Variants in SLC6A11 observed in about 807,000 individuals in gnomAD.
SLC6A11 encodes the protein solute carrier family 6 member 11.
In SLC6A11, 25 loss-of-function variants were observed where a neutral mutation model predicts 74.8. That is an observed-to-expected ratio of 0.33 (90% CI 0.24 to 0.47). The LOEUF is 0.47. SLC6A11 is among the 20% of genes least tolerant of loss of function. The pLI is 1.00. For missense variants in SLC6A11, 574 were observed against 837.0 expected (o/e 0.69, Z 3.88); for synonymous variants, 330 against 330.2 (o/e 1.00, Z 0.01).
At chr3:10,896,178 C>A (rs1695169060) in intron 6 of SLC6A11, among the ~76,000 whole-genome samples, 1 of 152,228 alleles carries the variant, frequency 6.6e-6, no homozygotes, top group Admixed American at 6.5e-5. Context: ...GTAGAACATC[C>A]ACACCAGGGT....
chr3:10,861,052 G>A (rs1043415918), intron 5 of SLC6A11, among the ~76,000 whole-genome samples: 8 of 152,186 alleles, frequency 5.3e-5, no homozygotes, highest in African/African-American at 1.7e-4. Flanking sequence ...AATAGGATCC[G>A]GGTGAGGCCC....
chr3:10,823,953 A>G (rs1559552001), intron 4 of SLC6A11: 1 of 154,010 alleles, frequency 6.5e-6, no homozygotes, highest in Non-Finnish European at 1.4e-5. Flanking sequence ...GTTGACCAGT[A>G]TAGGGTTGCC....
At chr3:10,835,336 C>T (rs77966015) in intron 4 of SLC6A11, among the ~76,000 whole-genome samples, 4,625 of 152,260 alleles carry the variant, frequency 0.03, 235 homozygotes, top group African/African-American at 0.11. Flanking sequence ...TGGGGGAGGC[C>T]CTTCCCACCA....
intron 4 of SLC6A11, among the ~76,000 whole-genome samples, chr3:10,828,408 T>C (rs986997987): frequency 6.6e-6 from 1 of 152,174 alleles, no homozygotes; most frequent in Non-Finnish European, 1.5e-5. Flanking sequence ...TTTTTAGTGT[T>C]TATTTTTGAG....
Position 10,933,123 on chromosome 3 carries a change from A to C in SLC6A11, c.1372-28A>C, listed in dbSNP as rs767886938. On this transcript the variant is annotated intron_variant, in intron 10 of 13. Coordinates refer to ENST00000254488, the MANE Select transcript of SLC6A11 (RefSeq NM_014229.3). ...TCTCCCGTGTGTCCGTTCACCTCCC[A>C]TCCGTGTGTCTGTTCCCCGACCTGC... The C allele has an allele frequency of 5.8e-6, 9 of 1,545,088 alleles. No individual in the cohort carries two copies. In the East Asian group the frequency reaches 1.8e-4, roughly 31 times the overall value.
At chr3:10,897,156 C>T (rs1695181544) in intron 6 of SLC6A11, among the ~76,000 whole-genome samples, 1 of 152,190 alleles carries the variant, frequency 6.6e-6, no homozygotes, top group Admixed American at 6.5e-5. Context: ...CCCACCAGAT[C>T]CCTCCTATAA....
In SLC6A11 at chr3:10,939,089, T is replaced by G. The variant is rs995475784; in HGVS notation, c.*687T>G. 3 of 152,236 alleles carry G rather than the reference T, an allele frequency of 2.0e-5. No individual in the cohort carries two copies. Among genetic ancestry groups the G allele is most frequent in the Non-Finnish European group, 2.9e-5 (2 of 68,058 alleles). The allele number at this position is 152,236 out of a possible 1,614,324, so 9.4% of individuals were successfully genotyped here. ...TAGGGATTCTCTTTGTGTGCCTTGC[T>G]GGCTTCCAGACCTGCCGTGGACCTT... is the stretch of plus-strand genomic sequence containing the variant. On this transcript the variant is annotated 3_prime_UTR_variant, in exon 14 of 14. Transcript: ENST00000254488.
chr3:10,931,194 T>G (rs1282223672), intron 10 of SLC6A11, among the ~76,000 whole-genome samples: 1 of 152,196 alleles, frequency 6.6e-6, no homozygotes, highest in Non-Finnish European at 1.5e-5. Context: ...GCAGAAGGTG[T>G]TGTCGCTGCT....
chr3:10,853,027 T>G (rs1012375789), intron 5 of SLC6A11, among the ~76,000 whole-genome samples: 1 of 152,198 alleles, frequency 6.6e-6, no homozygotes, highest in Admixed American at 6.5e-5. Context: ...CATCCAGGGC[T>G]GCTTCACCTC....
chr3:10,823,058 G>A (rs1694157998), intron 3 of SLC6A11, among the ~76,000 whole-genome samples: 2 of 152,138 alleles, frequency 1.3e-5, no homozygotes, highest in African/African-American at 4.8e-5. Flanking sequence ...AGTTTGATAG[G>A]GAGTGTTGGT....
rs186786321 is a variant in SLC6A11, at chr3:10,903,893, C to T, written c.892-8197C>T. Among the ~76,000 whole-genome samples the T allele has an allele frequency of 1.8e-4, 27 of 152,342 alleles. 1 individual carries two copies. In the East Asian group the frequency reaches 4.8e-3, roughly 27 times the overall value. On this transcript the variant is annotated intron_variant, in intron 6 of 13. Transcript: ENST00000254488. ...CCAGTCTCCCCAATTGGATAAGTCA[C>T]TCCAAGAGGTAGGAAAAAGAAGTAA... is the stretch of plus-strand genomic sequence containing the variant.
intron 6 of SLC6A11, among the ~76,000 whole-genome samples, chr3:10,879,078 G>A (rs997927446): frequency 3.3e-5 from 5 of 152,138 alleles, no homozygotes; most frequent in Non-Finnish European, 7.3e-5. Flanking sequence ...TACACAGTAG[G>A]TGTTCCTTAA....
At chr3:10,842,674 CT>C (rs5846681) in intron 4 of SLC6A11, among the ~76,000 whole-genome samples, 2,284 of 152,156 alleles carry the variant, frequency 0.015, 55 homozygotes, top group African/African-American at 0.051. Flanking sequence ...TGATGCTTAC[CT>C]TTTTTTATCC....
intron 5 of SLC6A11, among the ~76,000 whole-genome samples, chr3:10,845,832 T>TC (rs1314263358): frequency 1.1e-4 from 16 of 152,370 alleles, no homozygotes; most frequent in Admixed American, 8.5e-4. Context: ...TTTTTCTTTT[T>TC]CCAACTATAA....
intron 4 of SLC6A11, among the ~76,000 whole-genome samples, chr3:10,827,616 T>C (rs1460654691): frequency 1.3e-5 from 2 of 152,210 alleles, no homozygotes; most frequent in Non-Finnish European, 2.9e-5. Flanking sequence ...CTGCCTAGGC[T>C]GTCTGCTATT....
chr3:10,846,844 A>G (rs1694511694), intron 5 of SLC6A11, among the ~76,000 whole-genome samples: 1 of 152,162 alleles, frequency 6.6e-6, no homozygotes, highest in East Asian at 1.9e-4. Context: ...ATAGTTGCAT[A>G]GTGACCCTGC....
At chr3:10,932,962 G>A (rs1402854611) in intron 10 of SLC6A11, among the ~76,000 whole-genome samples, 189 bp from the exon 11 acceptor site, 1 of 152,132 alleles carries the variant, frequency 6.6e-6, no homozygotes, top group Non-Finnish European at 1.5e-5. Flanking sequence ...AGCCCCCAAA[G>A]GACAGGGAAT....
At chr3:10,893,959 A>C (rs1388066558) in intron 6 of SLC6A11, among the ~76,000 whole-genome samples, 1 of 152,176 alleles carries the variant, frequency 6.6e-6, no homozygotes, top group Non-Finnish European at 1.5e-5. Context: ...CAAAGCCCTG[A>C]AAAATCGCTG....
chr3:10,881,516 C>T (rs1694981737), intron 6 of SLC6A11, among the ~76,000 whole-genome samples: 1 of 152,236 alleles, frequency 6.6e-6, no homozygotes, highest in Non-Finnish European at 1.5e-5. Context: ...CTGGGAAAGT[C>T]AGGAGGGCTG....
Sources: gnomAD v4.1 joint callset for allele counts (sites outside exome capture counted in the v4.1 genomes callset) on GRCh38, gnomAD v4.1.1 for gene constraint, MANE v1.5 for transcripts, NCBI Gene and HGNC (gene_info 2026-07-23, HGNC 2026-07-21) for gene names.